Variants in TMCC1 observed in about 807,000 individuals in gnomAD.
The protein encoded by TMCC1 is transmembrane and coiled-coil domains protein 1.
TMCC1 carries 15 observed loss-of-function variants against 52.4 expected under a neutral mutation model. The ratio of observed to expected loss-of-function variants is 0.29; its 90% confidence interval spans 0.19 to 0.44. The LOEUF (loss-of-function observed/expected upper bound fraction) is 0.44. Ranked by LOEUF, TMCC1 falls within the 20% of genes least tolerant of loss-of-function variation. The probability of loss-of-function intolerance (pLI) is 1.00; values close to 1 mark genes in which losing one functional copy is unlikely to be tolerated. For missense variants in TMCC1, 503 were observed against 806.0 expected (o/e 0.62, Z 4.55); for synonymous variants, 279 against 301.9 (o/e 0.92, Z 0.79).
At position 129,792,734 on chromosome 3, in the gene TMCC1, C is replaced by T. The variant is rs990934738; in HGVS notation, c.576+35069G>A. Among the ~76,000 whole-genome samples, 15 of 152,192 alleles carry T rather than the reference C, an allele frequency of 9.9e-5. No individual in the cohort carries two copies. In the South Asian group the frequency reaches 1.9e-3, roughly 19 times the overall value. ...AAATTTCCTTAGCTTTGGTCTAGAT[C>T]ATCCATTATAGGATCCATAAATCAC... On this transcript the variant is annotated intron_variant, in intron 4 of 6. Transcript: ENST00000393238.
At chr3:129,872,383 T>C (rs2060972723) in intron 2 of TMCC1, among the ~76,000 whole-genome samples, 1 of 152,180 alleles carries the variant, frequency 6.6e-6, no homozygotes, top group African/African-American at 2.4e-5. Context: ...GCTTAATAGA[T>C]ATACAAATTC....
intron 2 of TMCC1, among the ~76,000 whole-genome samples, chr3:129,878,785 A>G (rs2061338002): frequency 6.6e-6 from 1 of 152,212 alleles, no homozygotes; most frequent in African/African-American, 2.4e-5. Context: ...CCTACCCCAG[A>G]CCTATGAAAT....
rs1336527326 is a variant in TMCC1 at position 129,721,159 on chromosome 3, G to A, written c.577-49895C>T. Among the ~76,000 whole-genome samples the A allele has an allele frequency of 5.3e-5, 8 of 152,094 alleles. No homozygotes were observed. In the East Asian group the frequency reaches 1.5e-3, roughly 29 times the overall value. On this transcript the variant is annotated intron_variant, in intron 4 of 6. Coordinates refer to ENST00000393238, the MANE Select transcript of TMCC1 (RefSeq NM_001017395.5). ...CCTTGTAAACACTGTGAAAACTCCT[G>A]CAGTTATTCTGGCTGTACCCCTGCC...
intron 4 of TMCC1, among the ~76,000 whole-genome samples, chr3:129,727,369 C>T (rs185252622): frequency 7.2e-5 from 11 of 151,960 alleles, no homozygotes; most frequent in East Asian, 3.9e-4. Context: ...TTTTTTGGAA[C>T]CTTACTGAGG....
intron 2 of TMCC1, among the ~76,000 whole-genome samples, chr3:129,859,651 TACACACACACACACACACACACAC>T (rs59213877): frequency 6.7e-6 from 1 of 148,692 alleles, no homozygotes; most frequent in Admixed American, 6.7e-5. Context: ...CACACACACA[TACACACACACACACACACACACAC>T]ACACACACAC....
At chr3:129,845,179 C>A (rs2059602462) in intron 2 of TMCC1, among the ~76,000 whole-genome samples, 1 of 85,438 alleles carries the variant, frequency 1.2e-5, no homozygotes, top group South Asian at 5.0e-4. Flanking sequence ...CAGAGCAAGT[C>A]CCTGTCACAC....
intron 2 of TMCC1, chr3:129,847,134 G>A: frequency 6.6e-6 from 1 of 152,100 alleles, no homozygotes; most frequent in African/African-American, 2.4e-5. Context: ...ACAAAAGTAG[G>A]TAACTAAAAA....
chr3:129,678,224 C>CT (rs928415830), intron 4 of TMCC1, among the ~76,000 whole-genome samples: 58 of 148,278 alleles, frequency 3.9e-4, no homozygotes, highest in African/African-American at 1.1e-3. Context: ...CTGGCCAATT[C>CT]TTTTTTTTTT....
chr3:129,757,459 C>T (rs1283492615), intron 4 of TMCC1, among the ~76,000 whole-genome samples: 1 of 152,184 alleles, frequency 6.6e-6, no homozygotes, highest in Non-Finnish European at 1.5e-5. Context: ...TCCCTGCCAA[C>T]CAGGGCTCTC....
chr3:129,819,547 G>C (rs2058306517), intron 4 of TMCC1, among the ~76,000 whole-genome samples: 1 of 152,086 alleles, frequency 6.6e-6, no homozygotes, highest in Non-Finnish European at 1.5e-5. Flanking sequence ...AAGATGAAAG[G>C]TAAGTCAGAT....
chr3:129,861,758 G>T (rs1278369124), intron 2 of TMCC1, among the ~76,000 whole-genome samples: 1 of 152,178 alleles, frequency 6.6e-6, no homozygotes, highest in African/African-American at 2.4e-5. Context: ...ATACACTGCT[G>T]GTGGGAATGT....
intron 4 of TMCC1, among the ~76,000 whole-genome samples, chr3:129,760,317 C>T (rs908115396): frequency 4.6e-5 from 7 of 152,102 alleles, no homozygotes; most frequent in Admixed American, 4.6e-4. Flanking sequence ...TCAAGCCATC[C>T]TCTCACTTCC....
At chr3:129,859,889 A>T (rs889862254) in intron 2 of TMCC1, among the ~76,000 whole-genome samples, 1 of 152,058 alleles carries the variant, frequency 6.6e-6, no homozygotes, top group Admixed American at 6.5e-5. Context: ...CCCACTAATC[A>T]CTAGCATACC....
intron 4 of TMCC1, among the ~76,000 whole-genome samples, chr3:129,782,072 G>C (rs1270372539): frequency 6.6e-6 from 1 of 152,102 alleles, no homozygotes; most frequent in Non-Finnish European, 1.5e-5. Context: ...CAAAAGCTTA[G>C]TTTTGGATAC....
rs2086348844 is a variant in TMCC1, at chr3:129,651,855, CA to C, written c.1648-61del. The C allele has an allele frequency of 1.3e-6, 2 of 1,546,016 alleles. No individual in the cohort carries two copies. The highest frequency in any genetic ancestry group is 2.7e-5 in the African/African-American group (2 of 73,138). ...GCTCACAAGTATTCTGAGATGCTGA[CA>C]TGCCCCCTGGGCAAGCCAGATGCAT... On this transcript the variant is annotated intron_variant, in intron 6 of 6. Transcript: ENST00000393238. The surrounding 1 kb of genome is among the most constrained non-coding windows in gnomAD (Gnocchi z 5.1).
intron 4 of TMCC1, among the ~76,000 whole-genome samples, chr3:129,690,305 G>A (rs937979345): frequency 8.6e-5 from 13 of 151,534 alleles, no homozygotes; most frequent in Admixed American, 7.2e-4. Context: ...TAAATATACC[G>A]AGCTACTAGA....
At chr3:129,853,222 G>A (rs1229633988) in intron 2 of TMCC1, among the ~76,000 whole-genome samples, 3 of 151,964 alleles carry the variant, frequency 2.0e-5, no homozygotes, top group African/African-American at 7.3e-5. Context: ...AAAAACTGTA[G>A]TATACACTGC....
intron 4 of TMCC1, among the ~76,000 whole-genome samples, chr3:129,784,957 G>A (rs920094314): frequency 1.3e-5 from 2 of 152,092 alleles, no homozygotes; most frequent in African/African-American, 4.8e-5. Context: ...TCCAGCCTGG[G>A]TGACAGAGCG....
intron 4 of TMCC1, among the ~76,000 whole-genome samples, chr3:129,724,840 A>C (rs527515463): frequency 4.2e-4 from 64 of 152,318 alleles, no homozygotes; most frequent in African/African-American, 1.4e-3. Context: ...CAGGAAACAC[A>C]AGACAATGGA....
Sources: gnomAD v4.1 joint callset for allele counts (sites outside exome capture counted in the v4.1 genomes callset) on GRCh38, gnomAD v4.1.1 for gene constraint, Gnocchi (gnomAD v3.1) non-coding constraint, MANE v1.5 for transcripts, NCBI Gene and HGNC (gene_info 2026-07-23, HGNC 2026-07-21) for gene names.